GRIN2A: variants seen among roughly 807,000 people sequenced by gnomAD.
GRIN2A encodes the protein glutamate ionotropic receptor NMDA type subunit 2A.
Under a neutral mutation model 113.4 loss-of-function variants are expected in GRIN2A, and 22 were observed. The ratio of observed to expected loss-of-function variants is 0.19; its 90% CI spans 0.14 to 0.28. The LOEUF (loss-of-function observed/expected upper bound fraction) is 0.28. GRIN2A is among the 10% of genes least tolerant of loss of function. The pLI, the probability that GRIN2A is intolerant of heterozygous loss-of-function variation, is 1.00. For missense variants in GRIN2A, 1,502 were observed against 1,887.0 expected (o/e 0.80, Z 3.78); for synonymous variants, 827 against 738.4 (o/e 1.12, Z -1.94).
chr16:10,165,395 T>A (rs1029877677), intron 2 of GRIN2A, among the ~76,000 whole-genome samples: 1 of 151,260 alleles, frequency 6.6e-6, no homozygotes, highest in East Asian at 1.9e-4. Flanking sequence ...TTATTTTCTT[T>A]ATACTGCCCT....
chr16:10,140,805 C>A (rs2049312372), intron 2 of GRIN2A, among the ~76,000 whole-genome samples: 1 of 152,168 alleles, frequency 6.6e-6, no homozygotes, highest in South Asian at 2.1e-4. Flanking sequence ...CTCTGTTTCC[C>A]CTAAGTCACT....
At chr16:10,102,165 A>T (rs1014684603) in intron 2 of GRIN2A, among the ~76,000 whole-genome samples, 1 of 152,214 alleles carries the variant, frequency 6.6e-6, no homozygotes, top group Non-Finnish European at 1.5e-5. Flanking sequence ...CTCCAAACTC[A>T]TGTTGAAATG....
intron 2 of GRIN2A, among the ~76,000 whole-genome samples, chr16:10,084,797 G>C (rs1328521884): frequency 7.6e-6 from 1 of 131,554 alleles, no homozygotes; most frequent in Non-Finnish European, 1.7e-5. Context: ...TGAAATGCAA[G>C]CTCCGTAAGG....
At chr16:10,057,512 T>G (rs1346461363) in intron 2 of GRIN2A, among the ~76,000 whole-genome samples, 1 of 151,890 alleles carries the variant, frequency 6.6e-6, no homozygotes, top group African/African-American at 2.4e-5. Flanking sequence ...TTGAATTCTA[T>G]GAAGGAAAAA....
At chr16:10,003,498 G>C (rs920962314) in intron 2 of GRIN2A, among the ~76,000 whole-genome samples, 1 of 152,188 alleles carries the variant, frequency 6.6e-6, no homozygotes, top group Non-Finnish European at 1.5e-5. Flanking sequence ...CCATGGTATT[G>C]TTTGCATTAT....
chr16:10,059,350 A>G (rs2047510525), intron 2 of GRIN2A, among the ~76,000 whole-genome samples: 1 of 146,452 alleles, frequency 6.8e-6, no homozygotes, highest in Non-Finnish European at 1.5e-5. Context: ...TTGATAGAAG[A>G]GACCAGTTTA....
chr16:10,132,540 C>T (rs191672785), intron 2 of GRIN2A, among the ~76,000 whole-genome samples: 1 of 152,234 alleles, frequency 6.6e-6, no homozygotes, highest in African/African-American at 2.4e-5. Flanking sequence ...TGACCTAACT[C>T]CTCATGTCCC....
rs181500119 is a variant in GRIN2A at position 9,900,648 on chromosome 16, T to C, written c.1008-9548A>G. 5.2e-3 allele frequency among the ~76,000 whole-genome samples: 788 copies of C among 152,298 alleles called. 6 individuals are homozygous for C. Among genetic ancestry groups the C allele is most frequent in the African/African-American group, 0.018 (763 of 41,568 alleles). On this transcript the variant is annotated intron_variant, in intron 3 of 12. Coordinates refer to ENST00000330684, the MANE Select transcript of GRIN2A (RefSeq NM_001134407.3). ...CCTAATTCTACTTTATTGGGAGTTA[T>C]TGGAATTCTGAATGACCATTAATAA... is the stretch of plus-strand genomic sequence containing the variant.
At position 9,763,090 on chromosome 16, in the gene GRIN2A, C is replaced by G; in HGVS notation, c.*59G>C. 3 of 1,542,790 alleles carry G rather than the reference C, an allele frequency of 1.9e-6. No individual in the cohort carries two copies. The highest frequency in any genetic ancestry group is 2.7e-6 in the Non-Finnish European group (3 of 1,120,576). ...CACTATTGGACATCCAACATTTACC[C>G]TCCAGAACATTGGCCATTACGTATA... On this transcript the variant is annotated 3_prime_UTR_variant, in exon 13 of 13. Coordinates refer to ENST00000330684, the MANE Select transcript of GRIN2A (RefSeq NM_001134407.3).
At chr16:10,096,755 C>T (rs536851240) in intron 2 of GRIN2A, among the ~76,000 whole-genome samples, 44 of 152,240 alleles carry the variant, frequency 2.9e-4, no homozygotes, top group African/African-American at 9.1e-4. Context: ...GTGCCACATA[C>T]CCCATTCTCC....
At chr16:10,172,437 C>G (rs891241601) in intron 2 of GRIN2A, among the ~76,000 whole-genome samples, 2 of 152,226 alleles carry the variant, frequency 1.3e-5, no homozygotes, top group South Asian at 4.1e-4. Context: ...CCAGGAGCAG[C>G]CCCTGGAAGA....
intron 2 of GRIN2A, among the ~76,000 whole-genome samples, chr16:10,121,955 T>C (rs1160271837): frequency 6.6e-6 from 1 of 152,062 alleles, no homozygotes; most frequent in Non-Finnish European, 1.5e-5. Flanking sequence ...GAGAGAAGCA[T>C]GGTCTAATTA....
intron 2 of GRIN2A, among the ~76,000 whole-genome samples, chr16:10,137,815 G>A (rs911402639): frequency 2.6e-5 from 4 of 152,168 alleles, no homozygotes; most frequent in Admixed American, 6.5e-5. Context: ...ATGCAAGCCC[G>A]CATTATGAGC....
chr16:10,156,576 A>T (rs2049699837), intron 2 of GRIN2A, among the ~76,000 whole-genome samples: 1 of 152,156 alleles, frequency 6.6e-6, no homozygotes, highest in Non-Finnish European at 1.5e-5. Flanking sequence ...GAAGAGGAAT[A>T]AATTCACAGT....
intron 2 of GRIN2A, among the ~76,000 whole-genome samples, chr16:10,068,268 G>C (rs1209945506): frequency 6.6e-6 from 1 of 152,194 alleles, no homozygotes; most frequent in Non-Finnish European, 1.5e-5. Context: ...GTCTGTTCTT[G>C]CATTGCTATA....
At chr16:9,816,103 G>A (rs2042180726) in intron 10 of GRIN2A, among the ~76,000 whole-genome samples, 2 of 152,294 alleles carry the variant, frequency 1.3e-5, no homozygotes, top group Admixed American at 6.5e-5. Context: ...CCAGGCGCTA[G>A]GGAAAAGGGG....
At chr16:9,898,511 T>G (rs150976471) in intron 3 of GRIN2A, among the ~76,000 whole-genome samples, 5 of 152,248 alleles carry the variant, frequency 3.3e-5, no homozygotes, top group Non-Finnish European at 5.9e-5. Context: ...ATATTTATTA[T>G]TCACTATTTC....
chr16:10,059,349 G>A (rs933585966), intron 2 of GRIN2A, among the ~76,000 whole-genome samples: 1 of 146,550 alleles, frequency 6.8e-6, no homozygotes. Context: ...ATTGATAGAA[G>A]AGACCAGTTT....
intron 2 of GRIN2A, among the ~76,000 whole-genome samples, chr16:10,127,624 G>A (rs558180145): frequency 6.6e-6 from 1 of 152,116 alleles, no homozygotes; most frequent in Non-Finnish European, 1.5e-5. Flanking sequence ...TTTATAGCAT[G>A]AACTATGTCC....
Sources: gnomAD v4.1 joint callset for allele counts (sites outside exome capture counted in the v4.1 genomes callset) on GRCh38, gnomAD v4.1.1 for gene constraint, MANE v1.5 for transcripts, NCBI Gene and HGNC (gene_info 2026-07-23, HGNC 2026-07-21) for gene names.